The following JAKMIP2 variants were observed in gnomAD, a reference collection of about 807,000 sequenced individuals.
JAKMIP2 encodes the protein janus kinase and microtubule interacting protein 2.
Under a neutral mutation model 115.0 loss-of-function variants are expected in JAKMIP2, and 25 were observed. The observed-to-expected ratio is 0.22, with a 90% confidence interval of 0.16 to 0.30. The LOEUF (loss-of-function observed/expected upper bound fraction) is 0.30, where lower values mean the gene tolerates loss of function less well. Among genes scored for constraint, JAKMIP2 ranks in the 10% least tolerant of loss-of-function variants. The pLI is 1.00. For missense variants in JAKMIP2, 642 were observed against 957.6 expected, an observed-to-expected ratio of 0.67 and a Z score of 4.35; for synonymous variants, 334 against 343.6, an observed-to-expected ratio of 0.97 and a Z score of 0.31.
intron 1 of JAKMIP2, among the ~76,000 whole-genome samples, chr5:147,707,122 A>G (rs1030437794): frequency 1.3e-5 from 2 of 152,160 alleles, no homozygotes; most frequent in Non-Finnish European, 2.9e-5. Context: ...GTCTTCACCA[A>G]GTGCAGCCAC....
chr5:147,635,390 A>T (rs1757564973), intron 12 of JAKMIP2, among the ~76,000 whole-genome samples: 1 of 146,158 alleles, frequency 6.8e-6, no homozygotes, highest in African/African-American at 2.6e-5. Flanking sequence ...TAAAAACAGT[A>T]TTCATCTAAA....
In JAKMIP2 at chr5:147,638,939, G is replaced by A. The variant is rs545426880; in HGVS notation, c.1530+693C>T. 3.3e-5 allele frequency among the ~76,000 whole-genome samples: 5 copies of A among 152,182 alleles called. No homozygotes were observed. The South Asian group carries it at 1.0e-3, about 32-fold the overall frequency. On this transcript the variant is annotated intron_variant, in intron 10 of 21. Coordinates refer to ENST00000616793, the MANE Select transcript of JAKMIP2 (RefSeq NM_001270941.2). The stretch of plus-strand genomic sequence containing the variant: ...ATTATATAGATAATGTGTGTAAAAT[G>A]TTCAACACAATGCCTGGAACACAGC...
At chr5:147,752,296 A>T (rs1262329649) in intron 1 of JAKMIP2, among the ~76,000 whole-genome samples, 1 of 152,222 alleles carries the variant, frequency 6.6e-6, no homozygotes. Context: ...TGGATCAACT[A>T]GGCCATGCAG....
intron 5 of JAKMIP2, among the ~76,000 whole-genome samples, chr5:147,645,691 C>T (rs1758100405): frequency 6.6e-6 from 1 of 152,052 alleles, no homozygotes; most frequent in Non-Finnish European, 1.5e-5. Context: ...TCAGTCTCGG[C>T]GTCTGTGACA....
At chr5:147,708,168 A>T (rs1580813095) in intron 1 of JAKMIP2, among the ~76,000 whole-genome samples, 1 of 152,364 alleles carries the variant, frequency 6.6e-6, no homozygotes, top group African/African-American at 2.4e-5. Context: ...ATGGAAAAAT[A>T]GTGTTGACTT....
chr5:147,722,788 G>T (rs10077371), intron 1 of JAKMIP2, among the ~76,000 whole-genome samples: 3,486 of 152,188 alleles, frequency 0.023, 148 homozygotes, highest in African/African-American at 0.079. Context: ...TGATGCCAAG[G>T]TAATTAATGT....
intron 1 of JAKMIP2, among the ~76,000 whole-genome samples, chr5:147,751,074 CTTT>C (rs60288356): frequency 3.5e-5 from 5 of 143,228 alleles, no homozygotes; most frequent in Admixed American, 1.4e-4. Flanking sequence ...GTCAGAATGA[CTTT>C]TTTTTTTTTT....
In JAKMIP2 at chr5:147,700,140, G is replaced by C. The variant is rs550944946; in HGVS notation, c.-148-28186C>G. Among the ~76,000 whole-genome samples, 157 of 151,996 alleles carry C rather than the reference G, an allele frequency of 1.0e-3. 1 individual carries two copies. Among genetic ancestry groups the C allele is most frequent in the South Asian group, 8.3e-3 (40 of 4,820 alleles). On this transcript the variant is annotated intron_variant, in intron 1 of 21. Transcript: ENST00000616793. ...AGTAGAAAAGTTCATGGAGTGGAGG[G>C]AAACAGAAATAAAATCAGACCATTA...
At position 147,653,290 on chromosome 5, in the gene JAKMIP2, C is replaced by T. The variant is rs539274295; in HGVS notation, c.628-2743G>A. Among the ~76,000 whole-genome samples the T allele has an allele frequency of 8.5e-5, 13 of 152,288 alleles. 1 individual carries two copies. In the South Asian group the frequency reaches 1.9e-3, roughly 22 times the overall value. Reference sequence around the variant, plus strand: ...GATCCCTGAGGAATAACCACCCTGTCCTCAACAATGGTTGGACCAATCTAC... The same window carrying T: ...GATCCCTGAGGAATAACCACCCTGTTCTCAACAATGGTTGGACCAATCTAC... On this transcript the variant is annotated intron_variant, in intron 3 of 21. Coordinates refer to ENST00000616793, the MANE Select transcript of JAKMIP2 (RefSeq NM_001270941.2).
chr5:147,664,149 G>A (rs1331544428), intron 2 of JAKMIP2, among the ~76,000 whole-genome samples: 9 of 152,110 alleles, frequency 5.9e-5, no homozygotes, highest in Admixed American at 5.9e-4. Flanking sequence ...TAAATTCACA[G>A]ATATGGCTTG....
intron 1 of JAKMIP2, among the ~76,000 whole-genome samples, chr5:147,716,509 G>T (rs913272347): frequency 6.6e-6 from 1 of 151,756 alleles, no homozygotes; most frequent in South Asian, 2.1e-4. Flanking sequence ...AGCACCTGCT[G>T]TTTCCTGACT....
intron 18 of JAKMIP2, among the ~76,000 whole-genome samples, chr5:147,620,444 T>C (rs1388243230): frequency 6.6e-6 from 1 of 152,106 alleles, no homozygotes; most frequent in African/African-American, 2.4e-5. Context: ...GAAGTATAAT[T>C]AAATATTTAT....
At chr5:147,643,029 T>C (rs1400120464) in intron 7 of JAKMIP2, among the ~76,000 whole-genome samples, 1 of 152,092 alleles carries the variant, frequency 6.6e-6, no homozygotes, top group Non-Finnish European at 1.5e-5. Context: ...GCTTTGGGAC[T>C]TGGACTGGCT....
At chr5:147,642,594 G>A (rs981693083) in intron 7 of JAKMIP2, among the ~76,000 whole-genome samples, 1 of 151,810 alleles carries the variant, frequency 6.6e-6, no homozygotes, top group East Asian at 1.9e-4. Context: ...TGAGTTATTA[G>A]GATGTGAAAA....
chr5:147,701,609 C>A (rs528972295), intron 1 of JAKMIP2, among the ~76,000 whole-genome samples: 3 of 152,142 alleles, frequency 2.0e-5, no homozygotes, highest in Non-Finnish European at 4.4e-5. Context: ...GGTCACACAC[C>A]AGCATGAAGG....
At chr5:147,687,524 CA>C (rs1580782912) in intron 1 of JAKMIP2, among the ~76,000 whole-genome samples, 2 of 151,860 alleles carry the variant, frequency 1.3e-5, no homozygotes, top group African/African-American at 4.8e-5. Flanking sequence ...GTGGTCCTGG[CA>C]ATAAAGAAGA....
intron 7 of JAKMIP2, among the ~76,000 whole-genome samples, chr5:147,643,372 T>TA (rs1757972871): frequency 6.6e-6 from 1 of 152,178 alleles, no homozygotes. Flanking sequence ...TTCAAGTCTT[T>TA]AGGCCTTGAC....
intron 2 of JAKMIP2, among the ~76,000 whole-genome samples, chr5:147,667,191 A>AG (rs961100469): frequency 1.3e-5 from 2 of 152,064 alleles, no homozygotes; most frequent in Admixed American, 6.6e-5. Flanking sequence ...GGCAGGGTGA[A>AG]GGGGAGAGCA....
chr5:147,773,946 T>C (rs1049128375), intron 1 of JAKMIP2, among the ~76,000 whole-genome samples: 1 of 152,128 alleles, frequency 6.6e-6, no homozygotes, highest in Non-Finnish European at 1.5e-5. Flanking sequence ...ACTTCATTTT[T>C]AAAAAGCTGA....
Sources: gnomAD v4.1 joint callset for allele counts (sites outside exome capture counted in the v4.1 genomes callset) on GRCh38, gnomAD v4.1.1 for gene constraint, MANE v1.5 for transcripts, NCBI Gene and HGNC (gene_info 2026-07-23, HGNC 2026-07-21) for gene names.